ASIC2: variants seen among roughly 807,000 people sequenced by gnomAD.
The protein encoded by ASIC2 is acid sensing ion channel subunit 2, also known as acid-sensing ion channel 2.
In ASIC2, 25 loss-of-function variants were observed where a neutral mutation model predicts 57.3. That is an observed-to-expected ratio of 0.44 (90% CI 0.32 to 0.61). The LOEUF is 0.61. Ranked by LOEUF, ASIC2 falls within the 20% of genes least tolerant of loss-of-function variation. The probability of loss-of-function intolerance (pLI) is 0.06; values close to 1 mark genes in which losing one functional copy is unlikely to be tolerated. For missense variants in ASIC2, 641 were observed against 738.1 expected (o/e 0.87, Z 1.52); for synonymous variants, 319 against 307.5 (o/e 1.04, Z -0.39).
At chr17:33,570,564 A>T (rs570983814) in intron 1 of ASIC2, among the ~76,000 whole-genome samples, 1 of 152,258 alleles carries the variant, frequency 6.6e-6, no homozygotes, top group Non-Finnish European at 1.5e-5. Flanking sequence ...TGAATTGATT[A>T]GTCCCAGAGA....
At chr17:33,490,951 C>G (rs1913736450) in intron 1 of ASIC2, among the ~76,000 whole-genome samples, 1 of 152,146 alleles carries the variant, frequency 6.6e-6, no homozygotes, top group Non-Finnish European at 1.5e-5. Context: ...ATACCTCCAC[C>G]TGAATTCAGA....
At chr17:33,111,145 G>A (rs1289740015) in intron 2 of ASIC2, among the ~76,000 whole-genome samples, 1 of 152,092 alleles carries the variant, frequency 6.6e-6, no homozygotes, top group Non-Finnish European at 1.5e-5. Context: ...CTCTTATGAA[G>A]ACTTCTGTGA....
intron 1 of ASIC2, among the ~76,000 whole-genome samples, chr17:33,172,068 A>G (rs557970221): frequency 6.6e-6 from 1 of 152,272 alleles, no homozygotes; most frequent in African/African-American, 2.4e-5. Context: ...TGTGTCCTCC[A>G]CCAAGTTTGA....
At position 33,643,259 on chromosome 17, in the gene ASIC2, C is replaced by T. The variant is rs566970962; in HGVS notation, c.555+512719G>A. Reference sequence around the variant, plus strand: ...TTTCTGGGTGATACATAAAATTTTGCATCTTCCAATAAATGATGACTGTGA... The same window carrying T: ...TTTCTGGGTGATACATAAAATTTTGTATCTTCCAATAAATGATGACTGTGA... On this transcript the variant is annotated intron_variant, in intron 1 of 9. Transcript: ENST00000359872. Among the ~76,000 whole-genome samples the T allele has an allele frequency of 2.0e-5, 3 of 151,064 alleles. No homozygotes were observed. In the East Asian group the frequency reaches 5.8e-4, roughly 29 times the overall value.
At chr17:33,927,567 C>A (rs1915849969) in intron 1 of ASIC2, among the ~76,000 whole-genome samples, 1 of 152,222 alleles carries the variant, frequency 6.6e-6, no homozygotes, top group Admixed American at 6.5e-5. Context: ...TGATCCTGGG[C>A]TTCCCAGCCT....
chr17:33,543,177 C>T (rs1315557291), intron 1 of ASIC2, among the ~76,000 whole-genome samples: 2 of 149,396 alleles, frequency 1.3e-5, no homozygotes, highest in Non-Finnish European at 3.0e-5. Flanking sequence ...GGGAGATATA[C>T]CTAATGCTAG....
chr17:33,352,053 T>G (rs1868992471), intron 1 of ASIC2, among the ~76,000 whole-genome samples: 1 of 152,076 alleles, frequency 6.6e-6, no homozygotes, highest in Admixed American at 6.5e-5. Context: ...GAGTGTTTTG[T>G]CTTGTGTCTT....
chr17:33,833,206 G>T (rs1913167059), intron 1 of ASIC2, among the ~76,000 whole-genome samples: 1 of 152,148 alleles, frequency 6.6e-6, no homozygotes, highest in Admixed American at 6.5e-5. Context: ...AGGGGCAATA[G>T]GCAAATTACC....
At chr17:34,133,248 C>CT (rs1461260084) in intron 1 of ASIC2, among the ~76,000 whole-genome samples, 3 of 148,310 alleles carry the variant, frequency 2.0e-5, no homozygotes, top group Middle Eastern at 3.2e-3. Context: ...CTTCAAGCGT[C>CT]TTTCTTTTTC....
At chr17:33,396,672 CA>C (rs1910089327) in intron 1 of ASIC2, among the ~76,000 whole-genome samples, 2 of 152,148 alleles carry the variant, frequency 1.3e-5, no homozygotes, top group Non-Finnish European at 1.5e-5. Flanking sequence ...CTAAATCACT[CA>C]TTTGAGGCTA....
chr17:33,904,523 A>T (rs1915306769), intron 1 of ASIC2, among the ~76,000 whole-genome samples: 2 of 152,216 alleles, frequency 1.3e-5, no homozygotes, highest in African/African-American at 4.8e-5. Context: ...TTGTACTTTT[A>T]AAAACTCCCT....
intron 1 of ASIC2, among the ~76,000 whole-genome samples, chr17:33,669,657 T>A (rs895042874): frequency 1.3e-5 from 2 of 152,214 alleles, no homozygotes; most frequent in Admixed American, 1.3e-4. Flanking sequence ...TGGAAACTTA[T>A]GCCATTAAGA....
chr17:33,651,128 AACACACAC>A (rs375276938), intron 1 of ASIC2, among the ~76,000 whole-genome samples: 1 of 150,102 alleles, frequency 6.7e-6, no homozygotes, highest in African/African-American at 2.4e-5. Context: ...ATTTTGTAGA[AACACACAC>A]ACACACACAC....
intron 1 of ASIC2, among the ~76,000 whole-genome samples, chr17:33,813,274 G>A (rs902008187): frequency 3.3e-5 from 5 of 152,078 alleles, no homozygotes; most frequent in Non-Finnish European, 5.9e-5. Context: ...GAACAAGTCT[G>A]CCTAAGCCAC....
At chr17:33,505,845 G>T (rs1914233425) in intron 1 of ASIC2, among the ~76,000 whole-genome samples, 1 of 152,182 alleles carries the variant, frequency 6.6e-6, no homozygotes, top group Non-Finnish European at 1.5e-5. Flanking sequence ...AAGTTCCAAA[G>T]CCTGGCTACC....
At chr17:33,023,022 G>C (rs2091843578) in intron 6 of ASIC2, among the ~76,000 whole-genome samples, 1 of 152,160 alleles carries the variant, frequency 6.6e-6, no homozygotes. Context: ...TCCTGCCTTG[G>C]CCTCCCAAAG....
At chr17:33,380,547 C>A (rs1424412061) in intron 1 of ASIC2, among the ~76,000 whole-genome samples, 1 of 152,170 alleles carries the variant, frequency 6.6e-6, no homozygotes, top group Non-Finnish European at 1.5e-5. Context: ...CATCTGTCTC[C>A]AGATGTTTTA....
chr17:33,897,476 C>A (rs1402996557), intron 1 of ASIC2, among the ~76,000 whole-genome samples: 1 of 152,216 alleles, frequency 6.6e-6, no homozygotes, highest in Non-Finnish European at 1.5e-5. Flanking sequence ...TGGTGGTATA[C>A]AACAAATGGT....
intron 1 of ASIC2, among the ~76,000 whole-genome samples, chr17:33,622,841 T>G (rs915250696): frequency 6.6e-6 from 1 of 152,212 alleles, no homozygotes; most frequent in Non-Finnish European, 1.5e-5. Context: ...GACTAGTCAT[T>G]GTTTACACAT....
Sources: gnomAD v4.1 joint callset for allele counts (sites outside exome capture counted in the v4.1 genomes callset) on GRCh38, gnomAD v4.1.1 for gene constraint, MANE v1.5 for transcripts, NCBI Gene and HGNC (gene_info 2026-07-23, HGNC 2026-07-21) for gene names.